The following CHLSN variants were observed in gnomAD, a reference collection of about 807,000 sequenced individuals.
CHLSN encodes the protein cholesin.
At chr7:1,112,907 C>T in the CHLSN span, among the ~76,000 whole-genome samples, 29,029 of 152,064 alleles carry the variant, frequency 0.19, 3,226 homozygotes, top group Middle Eastern at 0.33. Context: ...GCGATGGAAA[C>T]GTATGCTCAG....
the CHLSN span, among the ~76,000 whole-genome samples, chr7:1,063,017 C>T: frequency 1.3e-5 from 2 of 152,182 alleles, no homozygotes; most frequent in Admixed American, 6.5e-5. Context: ...TCTGGGCCTG[C>T]CTGGCTTTGC....
the CHLSN span, among the ~76,000 whole-genome samples, chr7:1,110,790 G>C: frequency 6.7e-6 from 1 of 150,342 alleles, no homozygotes; most frequent in Non-Finnish European, 1.5e-5. Context: ...GTACAGAAAA[G>C]ATAAATTACA....
the CHLSN span, chr7:997,461 G>A: frequency 5.1e-6 from 3 of 589,708 alleles, no homozygotes; most frequent in South Asian, 4.9e-5. Context: ...CCCTTGCGAG[G>A]CTCTGGTGCT....
chr7:1,004,514 C>T, the CHLSN span, among the ~76,000 whole-genome samples: 84 of 152,266 alleles, frequency 5.5e-4, no homozygotes, highest in African/African-American at 1.8e-3. Flanking sequence ...GAACCAAGGG[C>T]GCCTCTCTCT....
the CHLSN span, among the ~76,000 whole-genome samples, chr7:1,121,998 TACACGGCACCTTG>T: frequency 3.9e-5 from 6 of 152,216 alleles, no homozygotes; most frequent in African/African-American, 1.4e-4. Context: ...TCATGGTCCT[TACACGGCACCTTG>T]ACACATGGAC....
the CHLSN span, among the ~76,000 whole-genome samples, chr7:1,007,818 ACAGGAG>A: frequency 6.6e-6 from 1 of 152,106 alleles, no homozygotes; most frequent in Admixed American, 6.5e-5. Flanking sequence ...GAGGCTGAGG[ACAGGAG>A]CAGGGCATGC....
chr7:1,015,690 A>T, the CHLSN span, among the ~76,000 whole-genome samples: 4 of 152,178 alleles, frequency 2.6e-5, no homozygotes, highest in African/African-American at 9.7e-5. Context: ...GGCCAGGACT[A>T]ACCCAGAGGG....
At chr7:988,722 C>A in the CHLSN span, 1 of 1,599,588 alleles carries the variant, frequency 6.3e-7, no homozygotes, top group Non-Finnish European at 8.5e-7. Context: ...CGCCTGCTGC[C>A]CCCGCCTGGC....
At chr7:1,007,743 GC>G in the CHLSN span, among the ~76,000 whole-genome samples, 1 of 152,174 alleles carries the variant, frequency 6.6e-6, no homozygotes, top group Non-Finnish European at 1.5e-5. Context: ...CACAGGACTT[GC>G]CGCTGGGGGG....
chr7:1,066,328 C>G, the CHLSN span, among the ~76,000 whole-genome samples: 5 of 152,356 alleles, frequency 3.3e-5, no homozygotes, highest in South Asian at 8.3e-4. Context: ...CCCCACGCCG[C>G]CTGGACGCCG....
chr7:1,036,462 G>A, the CHLSN span, among the ~76,000 whole-genome samples: 50 of 124,996 alleles, frequency 4.0e-4, no homozygotes, highest in Admixed American at 8.0e-5. Context: ...TGGTGTGGCC[G>A]TGTAGGGTTC....
the CHLSN span, among the ~76,000 whole-genome samples, chr7:1,115,734 C>T: frequency 3.7e-4 from 47 of 126,342 alleles, no homozygotes; most frequent in African/African-American, 1.3e-3. Context: ...CTTCCATCAC[C>T]GACGCCCACG....
chr7:1,116,946 C>T, the CHLSN span, among the ~76,000 whole-genome samples: 2 of 31,252 alleles, frequency 6.4e-5, no homozygotes. Context: ...ATCACCGACG[C>T]CCACGCAGGA....
At chr7:1,125,947 G>C in the CHLSN span, among the ~76,000 whole-genome samples, 1 of 152,202 alleles carries the variant, frequency 6.6e-6, no homozygotes, top group South Asian at 2.1e-4. Flanking sequence ...ATGCAGAAGA[G>C]AAATTTTAAC....
At chr7:1,092,355 G>A in the CHLSN span, 36 of 1,610,808 alleles carry the variant, frequency 2.2e-5, no homozygotes, top group Non-Finnish European at 2.9e-5. Context: ...TCTGTTTCGC[G>A]GATGTCCGGG....
the CHLSN span, among the ~76,000 whole-genome samples, chr7:1,101,069 C>T: frequency 6.6e-6 from 1 of 152,244 alleles, no homozygotes; most frequent in Non-Finnish European, 1.5e-5. Context: ...GCGGCCCTGC[C>T]ACAGGCTCCC....
chr7:1,015,519 G>A, the CHLSN span, among the ~76,000 whole-genome samples: 1 of 152,246 alleles, frequency 6.6e-6, no homozygotes, highest in Non-Finnish European at 1.5e-5. Context: ...GTTCCAGCCA[G>A]ACCTTCCTGT....
At chr7:1,032,056 A>G in the CHLSN span, among the ~76,000 whole-genome samples, 5 of 152,060 alleles carry the variant, frequency 3.3e-5, no homozygotes, top group African/African-American at 1.2e-4. Flanking sequence ...GAGTCATTCA[A>G]AAAAGACATA....
the CHLSN span, chr7:983,182 G>A: frequency 8.9e-6 from 13 of 1,455,450 alleles, no homozygotes; most frequent in Non-Finnish European, 1.2e-5. Flanking sequence ...GGGCCCAGGA[G>A]GGGAGTGGAG....
Sources: gnomAD v4.1 joint callset for allele counts (sites outside exome capture counted in the v4.1 genomes callset) on GRCh38, gnomAD v4.1.1 for gene constraint, MANE v1.5 for transcripts, NCBI Gene and HGNC (gene_info 2026-07-23, HGNC 2026-07-21) for gene names.